The following ARSJ variants were observed in gnomAD, a reference collection of about 807,000 sequenced individuals.
The protein encoded by ARSJ is arylsulfatase J.
Under a neutral mutation model 35.9 loss-of-function variants are expected in ARSJ, and 26 were observed. The observed-to-expected ratio is 0.72, with a 90% CI of 0.53 to 1.00. The LOEUF (loss-of-function observed/expected upper bound fraction) is 1.00, where lower values mean the gene tolerates loss of function less well. Among genes scored for constraint, ARSJ ranks in the 50% least tolerant of loss-of-function variants. The pLI, the probability that ARSJ is intolerant of heterozygous loss-of-function variation, is 0.00. For missense variants in ARSJ, 667 were observed against 723.6 expected (o/e 0.92, Z 0.90); for synonymous variants, 294 against 267.6 (o/e 1.10, Z -0.96).
chr4:113,976,311 T>A (rs975084913), intron 1 of ARSJ, among the ~76,000 whole-genome samples: 9 of 152,168 alleles, frequency 5.9e-5, no homozygotes, highest in Non-Finnish European at 1.3e-4. Flanking sequence ...AGTTTTTTTT[T>A]ATGGCTTCCT....
At position 113,902,033 on chromosome 4, in the gene ARSJ, G is replaced by A. The variant is rs2099667241; in HGVS notation, c.*241C>T. 1 of 1,235,520 alleles carries A rather than the reference G, an allele frequency of 8.1e-7. No individual in the cohort carries two copies. The highest frequency in any genetic ancestry group is 1.5e-5 in the African/African-American group (1 of 66,200). The allele number at this position is 1,235,520 out of a possible 1,614,324, so 76.5% of individuals were successfully genotyped here. ...AGGACTCACCACGTTTTCTAAAGGA[G>A]CAAGAGAAATAAACATCTCCACTCT... On this transcript the variant is annotated 3_prime_UTR_variant, in exon 2 of 2. Transcript: ENST00000315366.
chr4:113,917,767 G>T (rs1235596608), intron 1 of ARSJ, among the ~76,000 whole-genome samples: 1 of 151,910 alleles, frequency 6.6e-6, no homozygotes, highest in East Asian at 1.9e-4. Context: ...CTTTATATTA[G>T]GTTTATTTTA....
At chr4:113,974,091 G>A (rs1274914955) in intron 1 of ARSJ, among the ~76,000 whole-genome samples, 1 of 152,004 alleles carries the variant, frequency 6.6e-6, no homozygotes, top group African/African-American at 2.4e-5. Context: ...TATACACATG[G>A]AAAAAATAAT....
chr4:113,907,306 A>G (rs575143621), intron 1 of ARSJ, among the ~76,000 whole-genome samples: 1 of 152,368 alleles, frequency 6.6e-6, no homozygotes, highest in Admixed American at 6.5e-5. Flanking sequence ...AAAATAACAA[A>G]TGGGACAAAG....
chr4:113,974,088 A>T (rs1203338205), intron 1 of ARSJ, among the ~76,000 whole-genome samples: 3 of 152,182 alleles, frequency 2.0e-5, no homozygotes. Flanking sequence ...GGGTATACAC[A>T]TGGAAAAAAT....
intron 1 of ARSJ, among the ~76,000 whole-genome samples, chr4:113,963,315 G>A (rs1218093711): frequency 1.3e-5 from 2 of 152,042 alleles, no homozygotes; most frequent in Admixed American, 6.6e-5. Flanking sequence ...AGTTTATAAA[G>A]GAAAGAGGTT....
At chr4:113,923,582 C>A (rs1314239891) in intron 1 of ARSJ, among the ~76,000 whole-genome samples, 5 of 151,988 alleles carry the variant, frequency 3.3e-5, no homozygotes, top group African/African-American at 4.8e-5. Flanking sequence ...TCTTTAGTTT[C>A]TTTTTAAATT....
chr4:113,903,772 T>C, intron 1 of ARSJ, 97 bp from the exon 2 acceptor site: 1 of 1,429,538 alleles, frequency 7.0e-7, no homozygotes, highest in Non-Finnish European at 9.4e-7. Context: ...TCTATGGGCA[T>C]CATTGTTAAA....
chr4:113,958,118 C>G (rs1016095531), intron 1 of ARSJ, among the ~76,000 whole-genome samples: 1 of 152,028 alleles, frequency 6.6e-6, no homozygotes, highest in Non-Finnish European at 1.5e-5. Context: ...ATTAGAGATG[C>G]CTTCCAGCTG....
intron 1 of ARSJ, among the ~76,000 whole-genome samples, chr4:113,924,064 T>A (rs10006009): frequency 0.46 from 12,496 of 27,084 alleles, 1,107 homozygotes; most frequent in East Asian, 0.48. Context: ...TAAATATATA[T>A]AAATATATAT....
chr4:113,962,698 C>T (rs1726630375), intron 1 of ARSJ, among the ~76,000 whole-genome samples: 1 of 151,990 alleles, frequency 6.6e-6, no homozygotes, highest in African/African-American at 2.4e-5. Context: ...TCCACCTGCT[C>T]TCCATCCGAC....
intron 1 of ARSJ, among the ~76,000 whole-genome samples, chr4:113,937,022 A>C (rs1724806604): frequency 1.3e-5 from 2 of 151,950 alleles, no homozygotes; most frequent in Admixed American, 6.6e-5. Flanking sequence ...TTTCAAAGAA[A>C]GTTAACCAAC....
At chr4:113,960,153 G>A (rs910806141) in intron 1 of ARSJ, among the ~76,000 whole-genome samples, 11 of 151,904 alleles carry the variant, frequency 7.2e-5, no homozygotes, top group African/African-American at 2.4e-4. Flanking sequence ...ATGATAAAAC[G>A]ATAAGAAAAC....
chr4:113,955,480 C>T (rs1726121000), intron 1 of ARSJ, among the ~76,000 whole-genome samples: 1 of 151,486 alleles, frequency 6.6e-6, no homozygotes, highest in Non-Finnish European at 1.5e-5. Context: ...AGCCCAGGTT[C>T]CATGCCATCT....
At chr4:113,964,589 T>C (rs1194145848) in intron 1 of ARSJ, among the ~76,000 whole-genome samples, 1 of 152,164 alleles carries the variant, frequency 6.6e-6, no homozygotes, top group Non-Finnish European at 1.5e-5. Flanking sequence ...GTCAACTGAC[T>C]TGATTCTAAG....
chr4:113,934,362 A>G (rs910990561), intron 1 of ARSJ, among the ~76,000 whole-genome samples: 5 of 151,854 alleles, frequency 3.3e-5, no homozygotes, highest in African/African-American at 1.2e-4. Context: ...ATAGACAAAA[A>G]AAGTGGTACA....
chr4:113,960,144 T>C (rs1173471982), intron 1 of ARSJ, among the ~76,000 whole-genome samples: 2 of 152,052 alleles, frequency 1.3e-5, no homozygotes, highest in Non-Finnish European at 2.9e-5. Context: ...AATTAGGCAA[T>C]GATAAAACGA....
chr4:113,902,717 G>A lies in ARSJ; in HGVS notation c.1357C>T (p.His453Tyr). The change falls in exon 2 of 2, where the codon CAC becomes TAC. Residue 453 changes from histidine to tyrosine, a missense_variant. By Grantham distance (83) the His-to-Tyr change is moderately conservative (BLOSUM62 2). Coordinates refer to ENST00000315366, the MANE Select transcript of ARSJ (RefSeq NM_024590.4). ...TAIQSAIRVQ[H>Y]WKLLTGNPGY... ...GGATTTCCTGTAAGCAATTTCCAGT[G>A]CTGCACTCTGATGGCTGACTGGATT... 1 of 1,614,206 alleles carries A rather than the reference G, an allele frequency of 6.2e-7. No individual in the cohort carries two copies. Among genetic ancestry groups the A allele is most frequent in the East Asian group, 2.2e-5 (1 of 44,888 alleles).
chr4:113,964,794 AC>A (rs1357359803), intron 1 of ARSJ, among the ~76,000 whole-genome samples: 1 of 152,004 alleles, frequency 6.6e-6, no homozygotes, highest in East Asian at 1.9e-4. Flanking sequence ...CAGAACCAAG[AC>A]CCCCACCCTA....
Sources: allele counts gnomAD v4.1 joint callset (sites outside exome capture counted in the v4.1 genomes callset), GRCh38; gene constraint gnomAD v4.1.1; transcripts MANE v1.5; gene names NCBI Gene and HGNC (gene_info 2026-07-23, HGNC 2026-07-21).